The following CCDC91 variants were observed in gnomAD, a reference collection of about 807,000 sequenced individuals.
The protein encoded by CCDC91 is coiled-coil domain-containing protein 91.
CCDC91 carries 48 observed loss-of-function variants against 63.2 expected under a neutral mutation model. The observed-to-expected ratio is 0.76, with a 90% CI of 0.60 to 0.97. The LOEUF (loss-of-function observed/expected upper bound fraction) is 0.97, where lower values mean the gene tolerates loss of function less well. CCDC91 is among the 50% of genes least tolerant of loss of function. CCDC91 has a pLI of 0.00. For missense variants in CCDC91, 500 were observed against 494.6 expected (o/e 1.01, Z -0.10); for synonymous variants, 167 against 165.8 (o/e 1.01, Z -0.06).
At chr12:28,466,851 T>A (rs1170329071) in intron 11 of CCDC91, among the ~76,000 whole-genome samples, 1 of 152,074 alleles carries the variant, frequency 6.6e-6, no homozygotes, top group Non-Finnish European at 1.5e-5. Context: ...GTGTAAACTT[T>A]TATCCTAAGG....
chr12:28,434,316 T>C (rs1948781261), intron 8 of CCDC91, among the ~76,000 whole-genome samples: 1 of 151,644 alleles, frequency 6.6e-6, no homozygotes, highest in African/African-American at 2.4e-5. Flanking sequence ...TTTAAAAAAA[T>C]CATGAATACC....
At chr12:28,511,079 T>G (rs1001045865) in intron 12 of CCDC91, among the ~76,000 whole-genome samples, 11 of 151,936 alleles carry the variant, frequency 7.2e-5, no homozygotes, top group African/African-American at 2.7e-4. Flanking sequence ...CTTACCACCT[T>G]TCTTCACTGT....
At chr12:28,498,413 T>C (rs1296205744) in intron 12 of CCDC91, among the ~76,000 whole-genome samples, 7 of 151,552 alleles carry the variant, frequency 4.6e-5, no homozygotes, top group African/African-American at 1.7e-4. Context: ...CAGGTAAACA[T>C]TGCAAGCTTC....
intron 1 of CCDC91, among the ~76,000 whole-genome samples, chr12:28,233,891 C>G (rs1024950090): frequency 4.6e-5 from 7 of 152,026 alleles, no homozygotes; most frequent in Non-Finnish European, 5.9e-5. Context: ...TTGCTTAACT[C>G]TTGGTATCAT....
intron 7 of CCDC91, among the ~76,000 whole-genome samples, chr12:28,382,960 A>G (rs1408261467): frequency 5.9e-5 from 9 of 152,098 alleles, no homozygotes; most frequent in Admixed American, 4.6e-4. Context: ...TCCATATGGC[A>G]GCCTTTCAAA....
rs142252272 is a variant in CCDC91 at position 28,444,400 on chromosome 12, C to T, written c.763-5761C>T. On this transcript the variant is annotated intron_variant, in intron 8 of 12. Transcript: ENST00000536442. ...AAATAATCACAAAATAAAATTTGGG[C>T]AGCCAGCTAGCCAAGAGAGATTGCA... Among the ~76,000 whole-genome samples the T allele has an allele frequency of 3.2e-3, 483 of 152,172 alleles. 4 individuals are homozygous for T. Among genetic ancestry groups the T allele is most frequent in the Middle Eastern group, 0.017 (5 of 294 alleles).
rs78521380 is a variant in CCDC91, at chr12:28,327,732, C to T, written c.576+19983C>T. Among the ~76,000 whole-genome samples the T allele has an allele frequency of 2.2e-3, 328 of 152,256 alleles. 3 individuals are homozygous for T. The highest frequency in any genetic ancestry group is 7.4e-3 in the African/African-American group (308 of 41,558). On this transcript the variant is annotated intron_variant, in intron 6 of 12. Transcript: ENST00000536442. The stretch of plus-strand genomic sequence containing the variant: ...AACCTTGGGTATTTACTCCGGACAA[C>T]GACGCCACTTCAGTAGTGATTGTCA...
chr12:28,450,404 G>T lies in CCDC91; in HGVS notation c.910G>T (p.Val304Leu), dbSNP rs770045479. The T allele has an allele frequency of 4.3e-6, 7 of 1,611,422 alleles. No individual in the cohort carries two copies. Among genetic ancestry groups the T allele is most frequent in the African/African-American group, 1.3e-5 (1 of 74,954 alleles). The change falls in exon 10 of 13, where the codon GTA becomes TTA. Residue 304 changes from valine (V) to leucine (L), a missense_variant. By Grantham distance (32) the Val-to-Leu change is conservative. Transcript: ENST00000536442. ...AAGGCAAAGAAATAAAGAGGCATTA[G>T]TATCCGCTGCAAAGGTATTTCCATC... ...EERQRNKEAL[V>L]SAAKLEKEAV... is the part of the protein sequence containing the mutation.
chr12:28,268,610 A>G (rs1180638243), intron 3 of CCDC91: 1 of 974,864 alleles, frequency 1.0e-6, no homozygotes, highest in African/African-American at 1.8e-5. Flanking sequence ...CTTGTTCGTT[A>G]GAATGAGGGC....
chr12:28,347,991 C>G (rs1371943611), intron 6 of CCDC91, among the ~76,000 whole-genome samples: 3 of 152,188 alleles, frequency 2.0e-5, no homozygotes, highest in Non-Finnish European at 2.9e-5. Flanking sequence ...CTTTATTTCC[C>G]TGTTTTAGAC....
chr12:28,208,727 T>C (rs186299031), intron 1 of CCDC91, among the ~76,000 whole-genome samples: 15 of 152,326 alleles, frequency 9.8e-5, no homozygotes, highest in Non-Finnish European at 1.8e-4. Flanking sequence ...GAGGGAAGAC[T>C]TAACTTTTGT....
chr12:28,262,625 G>C (rs1248312536), intron 3 of CCDC91, among the ~76,000 whole-genome samples: 1 of 151,962 alleles, frequency 6.6e-6, no homozygotes, highest in Non-Finnish European at 1.5e-5. Flanking sequence ...TAAAATGCTA[G>C]CTTATAGGCA....
At chr12:28,415,455 G>C (rs143097803) in intron 8 of CCDC91, among the ~76,000 whole-genome samples, 1,734 of 151,996 alleles carry the variant, frequency 0.011, 35 homozygotes, top group African/African-American at 0.041. Flanking sequence ...CCTGACCTCA[G>C]GTGATCCGCC....
rs1187781061 is a variant in CCDC91 at position 28,407,973 on chromosome 12, AT to A, written c.762+16568del. On this transcript the variant is annotated intron_variant, in intron 8 of 12. Coordinates refer to ENST00000536442, the MANE Select transcript of CCDC91 (RefSeq NM_018318.5). ...ATACATATATATATATATTTTTTTTATTTTTTATTTTACTTTAAGTTCTGGG... is the reference window on the plus strand; with the variant it reads ...ATACATATATATATATATTTTTTTTATTTTTATTTTACTTTAAGTTCTGGG... Among the ~76,000 whole-genome samples, 5 of 127,740 alleles carry A rather than the reference AT, an allele frequency of 3.9e-5. No homozygotes were observed. In the East Asian group the frequency reaches 8.6e-4, roughly 22 times the overall value. 83.8% of individuals were successfully genotyped at this position (127,740 alleles called of 152,430 possible). A position where few individuals can be genotyped will look rare whatever the true frequency, so the allele number is the denominator to read the frequency against.
intron 1 of CCDC91, among the ~76,000 whole-genome samples, chr12:28,196,780 G>A (rs1941801943): frequency 6.6e-6 from 1 of 152,176 alleles, no homozygotes; most frequent in Admixed American, 6.5e-5. Context: ...GGTAACTGCT[G>A]CAAACATTGT....
At chr12:28,318,469 A>G (rs1169590484) in intron 6 of CCDC91, among the ~76,000 whole-genome samples, 2 of 151,938 alleles carry the variant, frequency 1.3e-5, no homozygotes, top group Non-Finnish European at 2.9e-5. Flanking sequence ...TAAGCCCAGG[A>G]GTTTGAGGTT....
At chr12:28,537,182 A>G (rs775447892) in intron 12 of CCDC91, among the ~76,000 whole-genome samples, 14 of 152,010 alleles carry the variant, frequency 9.2e-5, no homozygotes, top group South Asian at 2.1e-4. Context: ...CTTTTTCACT[A>G]TTCTAGCTAT....
At chr12:28,359,529 T>C (rs1943739153) in intron 6 of CCDC91, among the ~76,000 whole-genome samples, 1 of 152,164 alleles carries the variant, frequency 6.6e-6, no homozygotes, top group Non-Finnish European at 1.5e-5. Flanking sequence ...GTTTAAAAAA[T>C]CCTGATTTTA....
chr12:28,295,942 A>G (rs1057506463), intron 3 of CCDC91, among the ~76,000 whole-genome samples: 3 of 152,010 alleles, frequency 2.0e-5, no homozygotes, highest in African/African-American at 7.2e-5. Context: ...TTATTTTTAG[A>G]TAGTAAATTT....
Sources: allele counts gnomAD v4.1 joint callset (sites outside exome capture counted in the v4.1 genomes callset), GRCh38; gene constraint gnomAD v4.1.1; transcripts MANE v1.5; gene names NCBI Gene and HGNC (gene_info 2026-07-23, HGNC 2026-07-21).